CA10: variants seen among roughly 807,000 people sequenced by gnomAD.
CA10 encodes carbonic anhydrase 10 (inactive).
Under a neutral mutation model 44.2 loss-of-function variants are expected in CA10, and 14 were observed. The ratio of observed to expected loss-of-function variants is 0.32; its 90% CI spans 0.21 to 0.50. The LOEUF is 0.50. Ranked by LOEUF, CA10 falls within the 20% of genes least tolerant of loss-of-function variation. The pLI, the probability that CA10 is intolerant of heterozygous loss-of-function variation, is 0.99. For synonymous variants in CA10, 159 were observed against 141.6 expected (o/e 1.12, Z -0.87); for missense variants, 350 against 409.7 (o/e 0.85, Z 1.26).
At chr17:51,807,754 T>C (rs567766604) in intron 3 of CA10, among the ~76,000 whole-genome samples, 1 of 152,098 alleles carries the variant, frequency 6.6e-6, no homozygotes, top group South Asian at 2.1e-4. Context: ...GCAAAAGAAG[T>C]CAGACAAAAA....
intron 8 of CA10, 90 bp downstream of exon 8, chr17:51,633,386 G>A (rs965825087): frequency 8.3e-7 from 1 of 1,210,206 alleles, no homozygotes; most frequent in Non-Finnish European, 1.2e-6. Flanking sequence ...TTCCTATAAT[G>A]GAAGATAATG....
chr17:51,810,715 A>G (rs1028057711), intron 3 of CA10, among the ~76,000 whole-genome samples: 3 of 152,208 alleles, frequency 2.0e-5, no homozygotes, highest in African/African-American at 7.2e-5. Flanking sequence ...AGCAGTATGG[A>G]AAGACACATT....
intron 3 of CA10, among the ~76,000 whole-genome samples, chr17:51,858,416 A>G (rs1038651557): frequency 2.0e-5 from 3 of 152,114 alleles, no homozygotes; most frequent in African/African-American, 7.2e-5. Context: ...CCTTCCACCA[A>G]TTTTCAGTGT....
chr17:52,046,869 G>C (rs1229592305), intron 2 of CA10, among the ~76,000 whole-genome samples: 2 of 151,710 alleles, frequency 1.3e-5, no homozygotes, highest in African/African-American at 4.8e-5. Flanking sequence ...AGAAATAAAA[G>C]GTTGGTCCAA....
rs142214017 is a variant in CA10, at chr17:51,792,304, A to G, written c.280-44486T>C. ...CTGTTGCTTCTCCATCTCCATCTCAATGTTTTGCACAAGACAGAGGCTCAG... is the reference window on the plus strand; with the variant it reads ...CTGTTGCTTCTCCATCTCCATCTCAGTGTTTTGCACAAGACAGAGGCTCAG... On this transcript the variant is annotated intron_variant, in intron 3 of 8. Transcript: ENST00000451037. Among the ~76,000 whole-genome samples, 624 of 152,336 alleles carry G rather than the reference A, an allele frequency of 4.1e-3. 5 individuals are homozygous for G. Among genetic ancestry groups the G allele is most frequent in the African/African-American group, 0.014 (599 of 41,570 alleles).
intron 3 of CA10, among the ~76,000 whole-genome samples, chr17:51,768,840 A>C (rs1905490685): frequency 6.6e-6 from 1 of 152,198 alleles, no homozygotes; most frequent in African/African-American, 2.4e-5. Context: ...GGACAAAGGA[A>C]AATCAAACTT....
chr17:51,987,905 A>C (rs929896710), intron 2 of CA10, among the ~76,000 whole-genome samples: 2 of 152,060 alleles, frequency 1.3e-5, no homozygotes, highest in African/African-American at 2.4e-5. Context: ...ATAGGTCAGA[A>C]ACTCAGGTCT....
chr17:52,055,337 C>T (rs1467540868), intron 2 of CA10, among the ~76,000 whole-genome samples: 2 of 102,128 alleles, frequency 2.0e-5, no homozygotes, highest in Non-Finnish European at 4.0e-5. Context: ...ACTCATATAT[C>T]CTTCTGGTGA....
At chr17:52,062,975 T>A (rs1299928443) in intron 2 of CA10, among the ~76,000 whole-genome samples, 1 of 152,228 alleles carries the variant, frequency 6.6e-6, no homozygotes, top group African/African-American at 2.4e-5. Context: ...AAAGCAGCAA[T>A]GTGGGCTGCA....
chr17:51,785,000 T>A (rs1442507080), intron 3 of CA10, among the ~76,000 whole-genome samples: 1 of 152,220 alleles, frequency 6.6e-6, no homozygotes, highest in African/African-American at 2.4e-5. Flanking sequence ...GATTTTTAGA[T>A]CCCACAAATA....
intron 1 of CA10, among the ~76,000 whole-genome samples, chr17:52,125,461 G>A (rs1989098806): frequency 6.6e-6 from 1 of 152,202 alleles, no homozygotes; most frequent in South Asian, 2.1e-4. Flanking sequence ...TGCATGCACA[G>A]TAGGCCTAAG....
intron 3 of CA10, among the ~76,000 whole-genome samples, chr17:51,901,627 A>G (rs1981321541): frequency 6.6e-6 from 1 of 151,960 alleles, no homozygotes; most frequent in Non-Finnish European, 1.5e-5. Flanking sequence ...ACTAGTCTGA[A>G]TTTTTTAATT....
intron 2 of CA10, among the ~76,000 whole-genome samples, chr17:51,967,563 T>A (rs1598144741): frequency 2.0e-5 from 3 of 151,792 alleles, no homozygotes; most frequent in African/African-American, 7.2e-5. Context: ...CTGGAGGCCA[T>A]TATCCTGAGC....
At chr17:51,746,545 T>C (rs1261679634) in intron 4 of CA10, among the ~76,000 whole-genome samples, 1 of 152,224 alleles carries the variant, frequency 6.6e-6, no homozygotes, top group African/African-American at 2.4e-5. Flanking sequence ...AATTTACCAC[T>C]TCTTCCTTTG....
intron 1 of CA10, among the ~76,000 whole-genome samples, chr17:52,141,946 G>T (rs1989489160): frequency 6.6e-6 from 1 of 152,162 alleles, no homozygotes; most frequent in African/African-American, 2.4e-5. Flanking sequence ...GCAGCCAGTG[G>T]ATGGGCAGCA....
At chr17:51,719,529 GAAGTT>G (rs1916283893) in intron 4 of CA10, among the ~76,000 whole-genome samples, 1 of 152,184 alleles carries the variant, frequency 6.6e-6, no homozygotes, top group African/African-American at 2.4e-5. Context: ...CTGTTCAAGA[GAAGTT>G]AAGACCCATC....
chr17:51,901,199 T>C (rs917663666), intron 3 of CA10, among the ~76,000 whole-genome samples: 9 of 152,138 alleles, frequency 5.9e-5, no homozygotes, highest in African/African-American at 1.9e-4. Flanking sequence ...TGCTTTTTTT[T>C]CCCTTTGATG....
At chr17:51,710,827 A>C (rs111655297) in intron 4 of CA10, among the ~76,000 whole-genome samples, 25 of 151,608 alleles carry the variant, frequency 1.6e-4, no homozygotes, top group African/African-American at 5.8e-4. Flanking sequence ...AAAAACATAG[A>C]CAAATTGGCT....
intron 3 of CA10, among the ~76,000 whole-genome samples, chr17:51,803,606 A>G (rs1487432370): frequency 6.6e-6 from 1 of 152,240 alleles, no homozygotes; most frequent in Non-Finnish European, 1.5e-5. Context: ...AAAAGGAGAA[A>G]TGTGTACAAT....
Sources: gnomAD v4.1 joint callset for allele counts (sites outside exome capture counted in the v4.1 genomes callset) on GRCh38, gnomAD v4.1.1 for gene constraint, MANE v1.5 for transcripts, NCBI Gene and HGNC (gene_info 2026-07-23, HGNC 2026-07-21) for gene names.